TERT: variants seen among roughly 807,000 people sequenced by gnomAD.
TERT encodes the protein telomerase catalytic subunit.
A neutral mutation model predicts 104.0 loss-of-function variants in TERT; 42 were observed. That is an observed-to-expected ratio of 0.40 (90% CI 0.32 to 0.52). The LOEUF (loss-of-function observed/expected upper bound fraction) is 0.52. Ranked by LOEUF, TERT falls within the 20% of genes least tolerant of loss-of-function variation. The pLI is 0.43. For synonymous variants in TERT, 781 were observed against 725.6 expected (o/e 1.08, Z -1.23); for missense variants, 1,101 against 1,610.3 (o/e 0.68, Z 5.41).
In TERT at chr5:1,260,398, G is replaced by A. The variant is rs35735738; in HGVS notation, c.2970+76C>T. The A allele has an allele frequency of 2.2e-4, 358 of 1,601,266 alleles. 2 individuals are homozygous for A. The African/African-American group carries it at 3.7e-3, about 16-fold the overall frequency. On this transcript the variant is annotated intron_variant, in intron 12 of 15. Transcript: ENST00000310581. Reference sequence around the variant, plus strand: ...GTCACCATCAGCCTTGCAGGCACGCGCGCACACACACACACACATACTTGC... The same window carrying A: ...GTCACCATCAGCCTTGCAGGCACGCACGCACACACACACACACATACTTGC...
Position 1,263,975 on chromosome 5 carries a change from G to A in TERT, c.2843+429C>T, listed in dbSNP as rs1748405491. ...CAGCGGAGAGACTCACGCCCAAAAG[G>A]GCCCTGAAGTCTCTGGGTTCGGAGA... On this transcript the variant is annotated intron_variant, in intron 11 of 15. Transcript: ENST00000310581. The surrounding 1 kb of genome is among the most constrained non-coding windows in gnomAD (Gnocchi z 5.3). 6.6e-6 allele frequency among the ~76,000 whole-genome samples: 1 copy of A among 151,900 alleles called. No individual in the cohort carries two copies. Among genetic ancestry groups the A allele is most frequent in the Non-Finnish European group, 1.5e-5 (1 of 68,014 alleles).
At chr5:1,289,361 C>G (rs1186879393) in intron 2 of TERT, among the ~76,000 whole-genome samples, 1 of 142,258 alleles carries the variant, frequency 7.0e-6, no homozygotes, top group East Asian at 2.2e-4. Context: ...CTACACGTGA[C>G]AGGGACACCC....
rs570808113 is a variant in TERT, at chr5:1,279,829, G to A, written c.1950+329C>T. Among the ~76,000 whole-genome samples the A allele has an allele frequency of 5.3e-5, 8 of 152,308 alleles. No homozygotes were observed. In the South Asian group the frequency reaches 6.2e-4, roughly 12 times the overall value. Reference sequence around the variant, plus strand: ...AGTCGTGGCCTGGTCCCCGGGCCCCGTAAGCGGAAGCGCACGGAGGCTGCG... The same window carrying A: ...AGTCGTGGCCTGGTCCCCGGGCCCCATAAGCGGAAGCGCACGGAGGCTGCG... On this transcript the variant is annotated intron_variant, in intron 4 of 15. Coordinates refer to ENST00000310581, the MANE Select transcript of TERT (RefSeq NM_198253.3).
Position 1,282,642 on chromosome 5 carries a change from T to TGCCA in TERT, c.1574-22_1574-19dup. On this transcript the variant is annotated intron_variant, in intron 2 of 15. Transcript: ENST00000310581. ...GCCAACCCCTTAAACGAGAAGGACA[T>TGCCA]GCCACATCCAGATCACCGAGGGCCT... 1 of 1,613,266 alleles carries TGCCA rather than the reference T, an allele frequency of 6.2e-7. No homozygotes were observed.
rs1025579931 is a variant in TERT, at chr5:1,261,090, T to C, written c.2844-490A>G. On this transcript the variant is annotated intron_variant, in intron 11 of 15. Coordinates refer to ENST00000310581, the MANE Select transcript of TERT (RefSeq NM_198253.3). This position sits in a 1 kb window ranked among gnomAD's most constrained non-coding sequence, Gnocchi z 7.4. ...CTCCAGTGAGTGCACGTGGCACACATGGTGTCTCCAGAGGGGCAGGATGGA... is the reference window on the plus strand; with the variant it reads ...CTCCAGTGAGTGCACGTGGCACACACGGTGTCTCCAGAGGGGCAGGATGGA... 2.0e-5 allele frequency among the ~76,000 whole-genome samples: 3 copies of C among 152,240 alleles called. No homozygotes were observed. Among genetic ancestry groups the C allele is most frequent in the East Asian group, 1.9e-4 (1 of 5,174 alleles).
chr5:1,280,577 C>T (rs534576113), intron 3 of TERT, among the ~76,000 whole-genome samples: 5 of 152,276 alleles, frequency 3.3e-5, no homozygotes, highest in Non-Finnish European at 4.4e-5. Context: ...ACGCCCAGTC[C>T]GGCGGTCAAC....
At chr5:1,281,424 G>C (rs1200119782) in intron 3 of TERT, among the ~76,000 whole-genome samples, 1 of 152,196 alleles carries the variant, frequency 6.6e-6, no homozygotes, top group East Asian at 1.9e-4. Context: ...GTGTGCAGGG[G>C]AGCTGGGGAA....
At chr5:1,277,441 G>A (rs546793460) in intron 6 of TERT, among the ~76,000 whole-genome samples, 201 of 152,328 alleles carry the variant, frequency 1.3e-3, no homozygotes, top group African/African-American at 4.7e-3. Flanking sequence ...GCCATTCATG[G>A]ACAGAACGCA....
Position 1,294,121 on chromosome 5 carries a change from G to T in TERT, c.765C>A (p.Ser255=). Residue 255 remains serine (S), a synonymous_variant, in exon 2 of 16, where the codon TCC becomes TCA. Coordinates refer to ENST00000310581, the MANE Select transcript of TERT (RefSeq NM_198253.3). ...CACGCGTCCTGCCCGGGTGGGCCCA[G>T]GACCCCTGCCCAACGGGCGTCCGCT... ...EPERTPVGQG[S]WAHPGRTRGP... is the part of the protein sequence containing the mutation. 6.3e-7 allele frequency: 1 copy of T among 1,584,132 alleles called. No homozygotes were observed.
rs1201971387 is a variant in TERT at position 1,254,517 on chromosome 5, C to G, written c.3158-12G>C. Reference sequence around the variant, plus strand: ...CCCCAGCGACATCCCTGGGGGAAAACAGAGGCTGAGGAGTCACAGGCCCAG... The same window carrying G: ...CCCCAGCGACATCCCTGGGGGAAAAGAGAGGCTGAGGAGTCACAGGCCCAG... On this transcript the variant is annotated splice_polypyrimidine_tract_variant and intron_variant, in intron 14 of 15. Transcript: ENST00000310581. 1 of 1,608,666 alleles carries G rather than the reference C, an allele frequency of 6.2e-7. No individual in the cohort carries two copies. Among genetic ancestry groups the G allele is most frequent in the African/African-American group, 1.3e-5 (1 of 74,798 alleles).
chr5:1,290,674 G>A (rs1399271461), intron 2 of TERT, among the ~76,000 whole-genome samples: 3 of 64,052 alleles, frequency 4.7e-5, no homozygotes, highest in Admixed American at 1.6e-4. Flanking sequence ...AGGGACACCC[G>A]GGGACCGTGC....
Position 1,253,662 on chromosome 5 carries a change from G to C in TERT, c.*66C>G. The C allele has an allele frequency of 7.1e-7, 1 of 1,412,088 alleles. No individual in the cohort carries two copies. The highest frequency in any genetic ancestry group is 9.8e-7 in the Non-Finnish European group (1 of 1,015,968). 87.5% of individuals were successfully genotyped at this position (1,412,088 alleles called of 1,614,324 possible). Reference sequence around the variant, plus strand: ...GTGTGGGCCGCCCCTCCCTCCCTGGGACGTAGAGCCCGGCGTGACAGGGCT... The same window carrying C: ...GTGTGGGCCGCCCCTCCCTCCCTGGCACGTAGAGCCCGGCGTGACAGGGCT... On this transcript the variant is annotated 3_prime_UTR_variant, in exon 16 of 16. Coordinates refer to ENST00000310581, the MANE Select transcript of TERT (RefSeq NM_198253.3).
rs187640687 is a variant in TERT at position 1,255,051 on chromosome 5, C to T, written c.3157+236G>A. Among the ~76,000 whole-genome samples the T allele has an allele frequency of 6.6e-6, 1 of 152,344 alleles. No homozygotes were observed. The highest frequency in any genetic ancestry group is 1.9e-4 in the East Asian group (1 of 5,182). ...AGAGACCAGGCCCCCCAGCGCTTCCCCAGGCAGAGCAAGGTGGGAAGGATG... is the reference window on the plus strand; with the variant it reads ...AGAGACCAGGCCCCCCAGCGCTTCCTCAGGCAGAGCAAGGTGGGAAGGATG... On this transcript the variant is annotated intron_variant, in intron 14 of 15. Coordinates refer to ENST00000310581, the MANE Select transcript of TERT (RefSeq NM_198253.3). The surrounding 1 kb of genome is among the most constrained non-coding windows in gnomAD (Gnocchi z 6.9).
rs535903634 is a variant in TERT at position 1,269,194 on chromosome 5, C to T, written c.2469-561G>A. 1.4e-4 allele frequency among the ~76,000 whole-genome samples: 22 copies of T among 152,270 alleles called. No homozygotes were observed. The highest frequency in any genetic ancestry group is 4.6e-4 in the African/African-American group (19 of 41,572). On this transcript the variant is annotated intron_variant, in intron 8 of 15. Transcript: ENST00000310581. This position sits in a 1 kb window ranked among gnomAD's most constrained non-coding sequence, Gnocchi z 9.0. ...GTGCACACAGAAGGCATGGCTGCCA[C>T]GCGACCCTCAGCCATCCCCAGAGCC...
chr5:1,264,344 C>T (rs1407868143), intron 11 of TERT, 60 bp downstream of exon 11: 18 of 1,535,156 alleles, frequency 1.2e-5, no homozygotes, highest in Non-Finnish European at 1.5e-5. Flanking sequence ...GACGCAACGG[C>T]CCTGCAGCAG....
chr5:1,254,001 A>G (rs1346952002), intron 15 of TERT, among the ~76,000 whole-genome samples, 170 bp from the exon 16 acceptor site: 1 of 152,214 alleles, frequency 6.6e-6, no homozygotes, highest in East Asian at 1.9e-4. Context: ...GCAGACAGGC[A>G]GCCCAGTGAC....
intron 2 of TERT, among the ~76,000 whole-genome samples, chr5:1,285,281 A>C (rs1361956913): frequency 1.3e-5 from 2 of 150,962 alleles, no homozygotes. Flanking sequence ...GACACTGCAC[A>C]TCCAGCTCAC....
At chr5:1,260,667 T>C (rs1207451001) in intron 11 of TERT, 67 bp from the exon 12 acceptor site, 1 of 1,604,164 alleles carries the variant, frequency 6.2e-7, no homozygotes, top group African/African-American at 1.3e-5. Flanking sequence ...CTGCAAAGCT[T>C]GCTCCAAAGA....
rs1261292361 is a variant in TERT, at chr5:1,265,474, A to G, written c.2655-882T>C. ...CCTCAGGAACTTGCCACACAGAAGC[A>G]GCGTTCCCCGTCTGCTCTGTCCCCT... On this transcript the variant is annotated intron_variant, in intron 10 of 15. Coordinates refer to ENST00000310581, the MANE Select transcript of TERT (RefSeq NM_198253.3). This position sits in a 1 kb window ranked among gnomAD's most constrained non-coding sequence, Gnocchi z 6.9. Among the ~76,000 whole-genome samples, 1 of 152,168 alleles carries G rather than the reference A, an allele frequency of 6.6e-6. No homozygotes were observed. Among genetic ancestry groups the G allele is most frequent in the Non-Finnish European group, 1.5e-5 (1 of 68,022 alleles).
Sources: allele counts gnomAD v4.1 joint callset (sites outside exome capture counted in the v4.1 genomes callset), GRCh38; gene constraint gnomAD v4.1.1; non-coding constraint Gnocchi (gnomAD v3.1); transcripts MANE v1.5; gene names NCBI Gene and HGNC (gene_info 2026-07-23, HGNC 2026-07-21).